CENPP: variants seen among roughly 807,000 people sequenced by gnomAD.
The protein encoded by CENPP is centromere protein P.
In CENPP, 24 loss-of-function variants were observed where a neutral mutation model predicts 35.6. The ratio of observed to expected loss-of-function variants is 0.67; its 90% CI spans 0.49 to 0.95. CENPP has a LOEUF of 0.95. CENPP is among the 40% of genes least tolerant of loss of function. CENPP has a pLI of 0.00. For missense variants in CENPP, 332 were observed against 345.3 expected (o/e 0.96, Z 0.31); for synonymous variants, 120 against 125.5 (o/e 0.96, Z 0.29).
chr9:92,538,204 A>G (rs1353528116), intron 5 of CENPP, among the ~76,000 whole-genome samples: 1 of 152,230 alleles, frequency 6.6e-6, no homozygotes, highest in Admixed American at 6.5e-5. Flanking sequence ...GATAGAGAAC[A>G]AAGTGGGCTT....
intron 5 of CENPP, among the ~76,000 whole-genome samples, chr9:92,504,018 C>A (rs1846844593): frequency 6.6e-6 from 1 of 152,180 alleles, no homozygotes; most frequent in Non-Finnish European, 1.5e-5. Flanking sequence ...GGAGTGGATC[C>A]CTCTGGAGAG....
chr9:92,441,717 C>T (rs1844394732), intron 5 of CENPP, among the ~76,000 whole-genome samples: 1 of 152,216 alleles, frequency 6.6e-6, no homozygotes, highest in East Asian at 1.9e-4. Context: ...CGAGATCGCG[C>T]CACTGCACTC....
intron 4 of CENPP, among the ~76,000 whole-genome samples, chr9:92,368,521 A>G (rs889751429): frequency 6.6e-6 from 1 of 152,202 alleles, no homozygotes; most frequent in African/African-American, 2.4e-5. Flanking sequence ...AAATATAACT[A>G]TAGCTGCTGT....
intron 5 of CENPP, among the ~76,000 whole-genome samples, chr9:92,447,620 G>C (rs1356488111): frequency 6.6e-6 from 1 of 152,190 alleles, no homozygotes; most frequent in African/African-American, 2.4e-5. Flanking sequence ...CCCTGGCATA[G>C]TGAATTTGGG....
intron 4 of CENPP, among the ~76,000 whole-genome samples, chr9:92,356,581 G>C (rs559845852): frequency 6.6e-6 from 1 of 152,344 alleles, no homozygotes; most frequent in East Asian, 1.9e-4. Flanking sequence ...TTAAGAGATT[G>C]AAGTAAAGAC....
intron 5 of CENPP, among the ~76,000 whole-genome samples, chr9:92,395,918 G>A (rs1000803305): frequency 8.0e-5 from 12 of 150,166 alleles, no homozygotes; most frequent in African/African-American, 2.9e-4. Flanking sequence ...TGGTTTCTGT[G>A]TTGTATTTAA....
chr9:92,547,286 C>G (rs1441117714), intron 5 of CENPP, among the ~76,000 whole-genome samples: 2 of 152,186 alleles, frequency 1.3e-5, no homozygotes, highest in Non-Finnish European at 2.9e-5. Flanking sequence ...AAACAACATG[C>G]TTCAACTACT....
chr9:92,562,202 C>CTTTTTTTTTTT (rs373787447), intron 5 of CENPP, among the ~76,000 whole-genome samples: 2 of 133,454 alleles, frequency 1.5e-5, no homozygotes, highest in Non-Finnish European at 3.2e-5. Flanking sequence ...TCTTTTTTTT[C>CTTTTTTTTTTT]TTTTCTTTTT....
chr9:92,345,050 G>A (rs1841247305), intron 3 of CENPP, among the ~76,000 whole-genome samples: 1 of 150,794 alleles, frequency 6.6e-6, no homozygotes, highest in African/African-American at 2.4e-5. Context: ...AGGAGATCGA[G>A]ACCATTCTGG....
chr9:92,414,504 G>A (rs1263923606), intron 5 of CENPP: 1 of 209,130 alleles, frequency 4.8e-6, no homozygotes, highest in Non-Finnish European at 9.7e-6. Context: ...TTGTTGTTTT[G>A]GTATTCTGAG....
Position 92,501,015 on chromosome 9 carries a change from T to C in CENPP, c.565-110299T>C, listed in dbSNP as rs776356270. ...CTTGGGTAGATAGGACGGGACGTGA[T>C]AGAGCTTGTTGTAGGAGAGATCAAT... is the stretch of plus-strand genomic sequence containing the variant. On this transcript the variant is annotated intron_variant, in intron 5 of 7. Transcript: ENST00000375587. The C allele has an allele frequency of 9.9e-6, 16 of 1,614,158 alleles. No homozygotes were observed. The South Asian group carries it at 1.5e-4, about 16-fold the overall frequency.
intron 5 of CENPP, among the ~76,000 whole-genome samples, chr9:92,562,958 T>G (rs1335702637): frequency 2.0e-5 from 3 of 152,218 alleles, no homozygotes; most frequent in Non-Finnish European, 4.4e-5. Flanking sequence ...ATCATCATTT[T>G]CATTTCCATT....
intron 4 of CENPP, among the ~76,000 whole-genome samples, chr9:92,360,728 A>T (rs1841724692): frequency 6.6e-6 from 1 of 151,628 alleles, no homozygotes; most frequent in African/African-American, 2.4e-5. Context: ...ATTTTTTGAG[A>T]TGGAGTCTTG....
At chr9:92,497,875 A>G (rs1423735073) in intron 5 of CENPP, among the ~76,000 whole-genome samples, 2 of 40,140 alleles carry the variant, frequency 5.0e-5, no homozygotes, top group Middle Eastern at 0.021. Flanking sequence ...CTGGTTGTTT[A>G]AAAAAAAAAA....
chr9:92,455,394 C>A (rs985374612), intron 5 of CENPP, among the ~76,000 whole-genome samples: 1 of 151,834 alleles, frequency 6.6e-6, no homozygotes, highest in Non-Finnish European at 1.5e-5. Flanking sequence ...TGTCTCTTAA[C>A]AAAATAAAAA....
intron 4 of CENPP, among the ~76,000 whole-genome samples, chr9:92,359,244 C>T (rs1032430924): frequency 6.6e-5 from 10 of 152,076 alleles, no homozygotes; most frequent in Admixed American, 1.3e-4. Context: ...CCACCGTGCC[C>T]AGCCTTCTTT....
At chr9:92,468,218 A>G (rs1303211582) in intron 5 of CENPP, among the ~76,000 whole-genome samples, 1 of 152,214 alleles carries the variant, frequency 6.6e-6, no homozygotes, top group African/African-American at 2.4e-5. Context: ...TTGGAACTGC[A>G]TAAAAGGAAG....
chr9:92,500,333 C>T (rs1437148832), intron 5 of CENPP, among the ~76,000 whole-genome samples: 1 of 148,204 alleles, frequency 6.7e-6, no homozygotes, highest in Non-Finnish European at 1.5e-5. Flanking sequence ...CAGACACGCA[C>T]CACCACGCCC....
intron 4 of CENPP, among the ~76,000 whole-genome samples, chr9:92,367,784 G>A (rs1342523357): frequency 1.3e-5 from 2 of 151,948 alleles, no homozygotes; most frequent in Non-Finnish European, 2.9e-5. Flanking sequence ...CGCCCAGCTA[G>A]TTTTTGTATT....
Sources: allele counts gnomAD v4.1 joint callset (sites outside exome capture counted in the v4.1 genomes callset), GRCh38; gene constraint gnomAD v4.1.1; transcripts MANE v1.5; gene names NCBI Gene and HGNC (gene_info 2026-07-23, HGNC 2026-07-21).